Variants in EBF4 observed in about 807,000 individuals in gnomAD.
EBF4 encodes transcription factor COE4.
A neutral mutation model predicts 67.1 loss-of-function variants in EBF4; 34 were observed. That is an observed-to-expected ratio of 0.51 (90% CI 0.39 to 0.67). The LOEUF (loss-of-function observed/expected upper bound fraction) is 0.67. Among genes scored for constraint, EBF4 ranks in the 30% least tolerant of loss-of-function variants. The pLI, the probability that EBF4 is intolerant of heterozygous loss-of-function variation, is 0.00. For missense variants in EBF4, 837 were observed against 873.3 expected (o/e 0.96, Z 0.52); for synonymous variants, 387 against 377.7 (o/e 1.02, Z -0.29).
At position 2,693,655 on chromosome 20, in the gene EBF4, G is replaced by A. The variant is rs1346267390; in HGVS notation, c.10G>A (p.Ala4Thr). The A allele has an allele frequency of 1.1e-5, 16 of 1,445,644 alleles. No homozygotes were observed. The highest frequency in any genetic ancestry group is 1.4e-5 in the Non-Finnish European group (16 of 1,106,274). 89.6% of individuals were successfully genotyped at this position (1,445,644 alleles called of 1,614,324 possible). A position where few individuals can be genotyped will look rare whatever the true frequency, so the allele number is the denominator to read the frequency against. ...CTCACCGCGCGCCCTCATGTTCCCT[G>A]CGCAGGACGCTCTGCCCCGCAGCGG... is the stretch of plus-strand genomic sequence containing the variant. The change falls in exon 1 of 17, where the codon GCG (alanine) becomes ACG (threonine). Residue 4 changes from alanine to threonine, a missense_variant. By Grantham distance (58) the Ala-to-Thr change is moderately conservative (BLOSUM62 0). Around this residue, in one of 3 missense-constraint regions of EBF4, gnomAD observed 86 missense variants for 70.3 expected, o/e 1.22. Transcript: ENST00000609451. This position sits in a 1 kb window ranked among gnomAD's most constrained non-coding sequence, Gnocchi z 4.6.
chr20:2,718,033 A>G (rs2087633712), intron 6 of EBF4, among the ~76,000 whole-genome samples: 1 of 151,774 alleles, frequency 6.6e-6, no homozygotes, highest in Non-Finnish European at 1.5e-5. Flanking sequence ...CTGGTCTCGA[A>G]CTCCTGACCT....
At chr20:2,721,789 G>A (rs2087684669) in intron 6 of EBF4, among the ~76,000 whole-genome samples, 1 of 152,146 alleles carries the variant, frequency 6.6e-6, no homozygotes, top group Admixed American at 6.5e-5. Context: ...ATAAAACACA[G>A]TTATAATAAC....
rs545964401 is a variant in EBF4 at position 2,751,223 on chromosome 20, C to A, written c.1019-477C>A. Reference sequence around the variant, plus strand: ...AGCCACCCACTTCTCCAGTTGCTTCCCTGGGGTGCATGCAAACCTCTAGCC... The same window carrying A: ...AGCCACCCACTTCTCCAGTTGCTTCACTGGGGTGCATGCAAACCTCTAGCC... On this transcript the variant is annotated intron_variant, in intron 10 of 16. Coordinates refer to ENST00000609451, the Ensembl canonical transcript of EBF4. This position sits in a 1 kb window ranked among gnomAD's most constrained non-coding sequence, Gnocchi z 5.2. Among the ~76,000 whole-genome samples, 127 of 152,304 alleles carry A rather than the reference C, an allele frequency of 8.3e-4. No homozygotes were observed. The highest frequency in any genetic ancestry group is 1.7e-3 in the Non-Finnish European group (116 of 68,024).
exon 14 of EBF4, chr20:2,752,384 C>T (rs1057403868): frequency 5.6e-6 from 7 of 1,247,062 alleles, no homozygotes; most frequent in Non-Finnish European, 6.0e-6. Flanking sequence ...AGCAGCGCGT[C>T]CCCCCGCGGG....
chr20:2,742,401 T>C (rs982690233), intron 6 of EBF4, among the ~76,000 whole-genome samples: 1 of 152,176 alleles, frequency 6.6e-6, no homozygotes, highest in Non-Finnish European at 1.5e-5. Context: ...TTTCTTTTTT[T>C]GTTGTTTGTT....
chr20:2,729,316 C>A (rs899774814), intron 6 of EBF4, among the ~76,000 whole-genome samples: 2 of 152,162 alleles, frequency 1.3e-5, no homozygotes, highest in Non-Finnish European at 2.9e-5. Context: ...ATGGTCCTTG[C>A]CCTAATCAGC....
intron 6 of EBF4, among the ~76,000 whole-genome samples, chr20:2,730,517 A>G (rs920716450): frequency 6.6e-6 from 1 of 151,964 alleles, no homozygotes; most frequent in African/African-American, 2.4e-5. Context: ...GGATGTAGAC[A>G]TAACTTTTGG....
chr20:2,716,333 G>C (rs963630961), intron 6 of EBF4, among the ~76,000 whole-genome samples: 86 of 151,586 alleles, frequency 5.7e-4, no homozygotes, highest in African/African-American at 2.1e-3. Flanking sequence ...TCGAGACTAG[G>C]CTGACCAACA....
chr20:2,742,138 C>T (rs1049687183), intron 6 of EBF4, among the ~76,000 whole-genome samples: 2 of 152,210 alleles, frequency 1.3e-5, no homozygotes, highest in African/African-American at 2.4e-5. Flanking sequence ...CTTAGAAGGA[C>T]TTCTAGGACT....
Position 2,702,032 on chromosome 20 carries a change from A to G in EBF4, c.138-3545A>G, listed in dbSNP as rs572150910. On this transcript the variant is annotated intron_variant, in intron 1 of 16. Coordinates refer to ENST00000609451, the Ensembl canonical transcript of EBF4. ...GAGGGGCGATCAAGGCCTCAACTTG[A>G]AAGGACTGCAGCCTGAGGGCAAGGG... 2.4e-4 allele frequency among the ~76,000 whole-genome samples: 36 copies of G among 152,322 alleles called. No homozygotes were observed. In the Middle Eastern group the frequency reaches 0.01, roughly 43 times the overall value.
intron 6 of EBF4, among the ~76,000 whole-genome samples, chr20:2,718,777 T>C (rs557295819): frequency 1.3e-5 from 2 of 152,324 alleles, no homozygotes; most frequent in East Asian, 3.9e-4. Flanking sequence ...TTTGTTTCAT[T>C]GATTTCCACT....
intron 6 of EBF4, among the ~76,000 whole-genome samples, chr20:2,734,431 A>G (rs1390648176): frequency 2.0e-5 from 3 of 152,158 alleles, no homozygotes; most frequent in Non-Finnish European, 4.4e-5. Flanking sequence ...TTAATAAAGT[A>G]TTTGTCTAAA....
At chr20:2,749,547 C>T in intron 8 of EBF4, 29 bp downstream of exon 8, 6 of 1,539,780 alleles carry the variant, frequency 3.9e-6, no homozygotes, top group South Asian at 2.4e-5. Context: ...GCCCCGGCCG[C>T]CGCGGGCCCA....
At chr20:2,753,297 T>C (rs1298219325) in intron 14 of EBF4, among the ~76,000 whole-genome samples, 1 of 152,122 alleles carries the variant, frequency 6.6e-6, no homozygotes, top group African/African-American at 2.4e-5. Context: ...TCTGGCTTCT[T>C]AGAGTGGGGA....
chr20:2,709,580 C>A lies in EBF4; in HGVS notation c.495C>A (p.Cys165Ter). Residue 165 changes from cysteine to a stop codon, truncating the protein, a stop_gained, in exon 6 of 17, where the codon TGC becomes TGA. Coordinates refer to ENST00000609451, the Ensembl canonical transcript of EBF4. LOFTEE classifies it high-confidence loss of function. ...TTCCTCATCTTTCCTTCAGCCGGTG[C>A]TGTGACCGGAAGAGCTGTGGCAACC... The A allele has an allele frequency of 6.4e-7, 1 of 1,554,862 alleles. No homozygotes were observed. Among genetic ancestry groups the A allele is most frequent in the Non-Finnish European group, 8.7e-7 (1 of 1,148,636 alleles).
chr20:2,727,669 G>T (rs2087763318), intron 6 of EBF4, among the ~76,000 whole-genome samples: 2 of 152,086 alleles, frequency 1.3e-5, no homozygotes, highest in African/African-American at 4.8e-5. Context: ...TATTTAAAAG[G>T]TCGCACCATT....
At chr20:2,716,761 G>C (rs142380939) in intron 6 of EBF4, among the ~76,000 whole-genome samples, 1 of 152,292 alleles carries the variant, frequency 6.6e-6, no homozygotes, top group African/African-American at 2.4e-5. Flanking sequence ...TGTAGTACCA[G>C]CTATGTCCTA....
At chr20:2,740,014 T>G (rs2087944472) in intron 6 of EBF4, among the ~76,000 whole-genome samples, 1 of 152,360 alleles carries the variant, frequency 6.6e-6, no homozygotes, top group East Asian at 1.9e-4. Context: ...ACTATTTAGA[T>G]TTATGTTCAT....
chr20:2,748,534 A>T lies in EBF4; in HGVS notation c.558-15A>T. On this transcript the variant is annotated splice_polypyrimidine_tract_variant and intron_variant, in intron 6 of 16. Coordinates refer to ENST00000609451, the Ensembl canonical transcript of EBF4. ...AACCCCCAGACCCTTGAGCCCACCG[A>T]CCACACTGTTTCAGGTTCTTCCTCA... is the stretch of plus-strand genomic sequence containing the variant. 6.4e-7 allele frequency: 1 copy of T among 1,550,872 alleles called. No homozygotes were observed. The highest frequency in any genetic ancestry group is 8.7e-7 in the Non-Finnish European group (1 of 1,146,296).
Sources: gnomAD v4.1 joint callset for allele counts (sites outside exome capture counted in the v4.1 genomes callset) on GRCh38, gnomAD v4.1.1 for gene constraint, gnomAD v4.1.1 regional missense constraint, Gnocchi (gnomAD v3.1) non-coding constraint, MANE v1.5 for transcripts, NCBI Gene and HGNC (gene_info 2026-07-23, HGNC 2026-07-21) for gene names.